Variants in MAP2K1 observed in about 807,000 individuals in gnomAD.
The protein encoded by MAP2K1 is mitogen-activated protein kinase kinase 1, also known as dual specificity mitogen-activated protein kinase kinase 1.
MAP2K1 carries 16 observed loss-of-function variants against 46.3 expected under a neutral mutation model. The observed-to-expected ratio is 0.35, with a 90% CI of 0.23 to 0.52. The LOEUF is 0.52. Among genes scored for constraint, MAP2K1 ranks in the 20% least tolerant of loss-of-function variants. The probability of loss-of-function intolerance (pLI) is 0.94; values close to 1 mark genes in which losing one functional copy is unlikely to be tolerated. For synonymous variants in MAP2K1, 183 were observed against 185.6 expected (o/e 0.99, Z 0.11); for missense variants, 263 against 497.1 (o/e 0.53, Z 4.48).
chr15:66,417,847 A>C (rs898699074), intron 1 of MAP2K1, among the ~76,000 whole-genome samples: 5 of 152,158 alleles, frequency 3.3e-5, no homozygotes, highest in Non-Finnish European at 7.4e-5. Flanking sequence ...AATTGGAGAC[A>C]TATTTTGAGT....
At chr15:66,448,543 AGTGTTCCCTCTC>A (rs1283127295) in intron 5 of MAP2K1, among the ~76,000 whole-genome samples, 1 of 152,234 alleles carries the variant, frequency 6.6e-6, no homozygotes, top group Non-Finnish European at 1.5e-5. Flanking sequence ...ATATTGTGCA[AGTGTTCCCTCTC>A]ATTTCCAGGG....
At chr15:66,441,588 T>A (rs141035342) in intron 3 of MAP2K1, among the ~76,000 whole-genome samples, 1 of 152,210 alleles carries the variant, frequency 6.6e-6, no homozygotes, top group Non-Finnish European at 1.5e-5. Flanking sequence ...GGAGGATCAC[T>A]TCCTCCTCTG....
chr15:66,444,647 T>A lies in MAP2K1; in HGVS notation c.517-9T>A, dbSNP rs758986316. On this transcript the variant is annotated splice_polypyrimidine_tract_variant and intron_variant, in intron 4 of 10. Transcript: ENST00000307102. Reference sequence around the variant, plus strand: ...TATTTTCTTTTCTTTTACATTCCCTTTCCTCTAGGTAATAAAAGGCCTGAC... The same window carrying A: ...TATTTTCTTTTCTTTTACATTCCCTATCCTCTAGGTAATAAAAGGCCTGAC... The A allele has an allele frequency of 2.5e-6, 4 of 1,595,732 alleles. No individual in the cohort carries two copies. Among genetic ancestry groups the A allele is most frequent in the Non-Finnish European group, 3.4e-6 (4 of 1,163,338 alleles).
chr15:66,467,162 A>T (rs1892488571), intron 5 of MAP2K1, among the ~76,000 whole-genome samples: 1 of 152,158 alleles, frequency 6.6e-6, no homozygotes, highest in Non-Finnish European at 1.5e-5. Flanking sequence ...TGAACCCAGG[A>T]GGCGGAGGCT....
intron 5 of MAP2K1, among the ~76,000 whole-genome samples, chr15:66,452,301 A>AAAAAAAAAAAAAAAAAAC (rs557368406): frequency 4.4e-5 from 1 of 22,696 alleles, no homozygotes; most frequent in Non-Finnish European, 1.2e-4. Context: ...AAAAAAAAAA[A>AAAAAAAAAAAAAAAAAAC]AAGAAAAAAA....
intron 5 of MAP2K1, among the ~76,000 whole-genome samples, chr15:66,466,268 A>G (rs1329110865): frequency 1.3e-5 from 2 of 152,262 alleles, no homozygotes; most frequent in Non-Finnish European, 2.9e-5. Flanking sequence ...GCACATATGC[A>G]GATAACTATA....
intron 5 of MAP2K1, among the ~76,000 whole-genome samples, chr15:66,454,207 G>A (rs922335979): frequency 3.9e-5 from 6 of 152,146 alleles, no homozygotes; most frequent in African/African-American, 1.4e-4. Context: ...GCTAAAGCGG[G>A]TCATGTGTTT....
chr15:66,489,304 C>T lies in MAP2K1; in HGVS notation c.1022+28C>T, dbSNP rs778360947. 2.1e-5 allele frequency: 33 copies of T among 1,600,408 alleles called. No homozygotes were observed. In the South Asian group the frequency reaches 2.8e-4, roughly 13 times the overall value. ...AAGTTGGCTCCTTGTTCTCTGGAAG[C>T]GTATACTCTGGATTTGTCAGGCTCC... On this transcript the variant is annotated intron_variant, in intron 9 of 10. Coordinates refer to ENST00000307102, the MANE Select transcript of MAP2K1 (RefSeq NM_002755.4).
At chr15:66,453,485 G>T (rs865804892) in intron 5 of MAP2K1, 1 of 702,282 alleles carries the variant, frequency 1.4e-6, no homozygotes, top group Non-Finnish European at 2.6e-6. Flanking sequence ...AGAATGAACT[G>T]TAAGGCCTGG....
rs183735074 is a variant in MAP2K1 at position 66,411,290 on chromosome 15, G to T, written c.81-23737G>T. Reference sequence around the variant, plus strand: ...TATTAGGTTGTAAATGACTATGGTAGGTACAGATGTCATGAATATACTAGG... The same window carrying T: ...TATTAGGTTGTAAATGACTATGGTATGTACAGATGTCATGAATATACTAGG... On this transcript the variant is annotated intron_variant, in intron 1 of 10. Transcript: ENST00000307102. Among the ~76,000 whole-genome samples, 1,447 of 152,200 alleles carry T rather than the reference G, an allele frequency of 9.5e-3. 8 individuals are homozygous for T. The highest frequency in any genetic ancestry group is 0.031 in the Middle Eastern group (9 of 294).
At position 66,489,160 on chromosome 15, in the gene MAP2K1, G is replaced by A. The variant is rs117074461; in HGVS notation, c.961-55G>A. On this transcript the variant is annotated intron_variant, in intron 8 of 10. Transcript: ENST00000307102. Reference sequence around the variant, plus strand: ...GGTGGGAGGGGTGGGATGGGGAGAGGAGATGGCTGGAGCAAGGAGCCAGGC... The same window carrying A: ...GGTGGGAGGGGTGGGATGGGGAGAGAAGATGGCTGGAGCAAGGAGCCAGGC... 1.4e-4 allele frequency: 193 copies of A among 1,403,030 alleles called. 1 individual carries two copies. The East Asian group carries it at 4.2e-3, about 31-fold the overall frequency. 86.9% of individuals were successfully genotyped at this position (1,403,030 alleles called of 1,614,324 possible).
intron 5 of MAP2K1, among the ~76,000 whole-genome samples, chr15:66,461,973 T>C (rs1423076808): frequency 6.6e-6 from 1 of 152,202 alleles, no homozygotes; most frequent in Non-Finnish European, 1.5e-5. Flanking sequence ...TGTTGTGTAA[T>C]AGCATTAAAG....
rs1416771374 is a variant in MAP2K1 at position 66,491,291 on chromosome 15, T to G, written c.*676T>G. 1 of 235,244 alleles carries G rather than the reference T, an allele frequency of 4.3e-6. No individual in the cohort carries two copies. Among genetic ancestry groups the G allele is most frequent in the East Asian group, 6.1e-5 (1 of 16,450 alleles). 14.6% of individuals were successfully genotyped at this position (235,244 alleles called of 1,614,324 possible). ...TTTTCAGTATACTGTGTGGGATACT[T>G]AGTGGTATGTCTCTTTAAGTTTTGA... On this transcript the variant is annotated 3_prime_UTR_variant, in exon 11 of 11. Coordinates refer to ENST00000307102, the MANE Select transcript of MAP2K1 (RefSeq NM_002755.4).
chr15:66,393,529 G>A (rs2093361401), intron 1 of MAP2K1, among the ~76,000 whole-genome samples: 1 of 152,110 alleles, frequency 6.6e-6, no homozygotes, highest in Non-Finnish European at 1.5e-5. Context: ...AGTGAGGCAG[G>A]GTACCTCTCA....
intron 5 of MAP2K1, among the ~76,000 whole-genome samples, chr15:66,469,758 T>C (rs552508638): frequency 1.7e-5 from 2 of 117,766 alleles, no homozygotes; most frequent in African/African-American, 6.7e-5. Context: ...AGCTGACTTT[T>C]AACCATTGAG....
chr15:66,469,472 CTTTTTTTTTTTTT>C (rs370379739), intron 5 of MAP2K1, among the ~76,000 whole-genome samples: 4 of 76,636 alleles, frequency 5.2e-5, no homozygotes, highest in East Asian at 4.3e-4. Flanking sequence ...CTGGTGCCTC[CTTTTTTTTTTTTT>C]TTTTTTTTTT....
intron 1 of MAP2K1, among the ~76,000 whole-genome samples, chr15:66,429,674 C>T (rs79503353): frequency 1.2e-4 from 5 of 40,092 alleles, no homozygotes; most frequent in Admixed American, 7.0e-4. Context: ...GCCCCCCCCC[C>T]CCCCGTCCCC....
chr15:66,407,647 TGTC>T (rs1411653671), intron 1 of MAP2K1, among the ~76,000 whole-genome samples: 1 of 152,248 alleles, frequency 6.6e-6, no homozygotes, highest in Non-Finnish European at 1.5e-5. Flanking sequence ...AAATCTTGGT[TGTC>T]TTCTGTTGTA....
chr15:66,439,415 T>C (rs978476957), intron 3 of MAP2K1, among the ~76,000 whole-genome samples: 8 of 152,200 alleles, frequency 5.3e-5, no homozygotes, highest in African/African-American at 1.9e-4. Context: ...GCGAATCACC[T>C]GAGTTCAGGA....
Sources: allele counts gnomAD v4.1 joint callset (sites outside exome capture counted in the v4.1 genomes callset), GRCh38; gene constraint gnomAD v4.1.1; transcripts MANE v1.5; gene names NCBI Gene and HGNC (gene_info 2026-07-23, HGNC 2026-07-21).